The following NR4A1 variants were observed in gnomAD, a reference collection of about 807,000 sequenced individuals.
The protein encoded by NR4A1 is nuclear receptor subfamily 4 group A member 1.
In NR4A1, 24 loss-of-function variants were observed where a neutral mutation model predicts 47.5. The ratio of observed to expected loss-of-function variants is 0.50; its 90% CI spans 0.37 to 0.71. NR4A1 has a LOEUF of 0.71. Among genes scored for constraint, NR4A1 ranks in the 30% least tolerant of loss-of-function variants. The pLI is 0.00. For missense variants in NR4A1, 669 were observed against 788.6 expected (o/e 0.85, Z 1.82); for synonymous variants, 353 against 345.7 (o/e 1.02, Z -0.24).
intron 1 of NR4A1, among the ~76,000 whole-genome samples, chr12:52,053,222 G>T (rs1939073883): frequency 6.6e-6 from 1 of 152,140 alleles, no homozygotes; most frequent in Non-Finnish European, 1.5e-5. Context: ...TGAATGTAAG[G>T]ATCTGCCTGA....
chr12:52,044,110 A>G (rs1218971205), intron 2 of NR4A1, among the ~76,000 whole-genome samples: 2 of 152,194 alleles, frequency 1.3e-5, no homozygotes, highest in African/African-American at 4.8e-5. Context: ...ACTGAGAACT[A>G]GGAGAGGTGT....
intron 1 of NR4A1, among the ~76,000 whole-genome samples, chr12:52,041,329 G>A (rs564858393): frequency 4.6e-5 from 7 of 152,172 alleles, no homozygotes; most frequent in South Asian, 4.1e-4. Context: ...GAACCCAGAC[G>A]GTCTGGGATC....
upstream of NR4A1, among the ~76,000 whole-genome samples, chr12:52,047,931 G>A (rs920466231): frequency 2.6e-5 from 4 of 152,158 alleles, no homozygotes; most frequent in African/African-American, 9.7e-5. Context: ...AAGGCGGGTG[G>A]ATCACGAGGT....
intron 6 of NR4A1, 190 bp from the exon 7 acceptor site, chr12:52,058,498 G>A (rs1939387066): frequency 2.8e-6 from 2 of 718,992 alleles, no homozygotes; most frequent in South Asian, 2.0e-5. Context: ...GGAGTATGAG[G>A]ATAATGAGGG....
At chr12:52,031,942 G>A (rs544202186) in intron 1 of NR4A1, among the ~76,000 whole-genome samples, 2 of 152,092 alleles carry the variant, frequency 1.3e-5, no homozygotes, top group Admixed American at 1.3e-4. Context: ...GATTACAGGT[G>A]CCCGCCACCA....
At chr12:52,055,633 G>C (rs1306878570) in intron 2 of NR4A1, 1 of 410,310 alleles carries the variant, frequency 2.4e-6, no homozygotes, top group Non-Finnish European at 4.3e-6. Context: ...CTTGGGAACA[G>C]GCTGTGTGTT....
At chr12:52,037,934 G>A in intron 1 of NR4A1, 1 of 867,990 alleles carries the variant, frequency 1.2e-6, no homozygotes, top group Non-Finnish European at 1.4e-6. Context: ...TTTTTTTGCC[G>A]CAACATCTTC....
upstream of NR4A1, among the ~76,000 whole-genome samples, chr12:52,047,481 G>A (rs974418198): frequency 5.3e-5 from 8 of 152,240 alleles, no homozygotes; most frequent in Admixed American, 5.2e-4. Flanking sequence ...TTTCCACAGA[G>A]GGACTTTGCC....
chr12:52,037,336 C>T (rs1188598280), intron 1 of NR4A1: 1 of 984,648 alleles, frequency 1.0e-6, no homozygotes, highest in African/African-American at 1.8e-5. Flanking sequence ...GCCCGGGACC[C>T]CCGGCCTCCA....
At chr12:52,044,706 G>T (rs1938567564) in intron 2 of NR4A1, among the ~76,000 whole-genome samples, 1 of 152,210 alleles carries the variant, frequency 6.6e-6, no homozygotes, top group South Asian at 2.1e-4. Flanking sequence ...GCCCACGTAG[G>T]CTGGGTGGAG....
At chr12:52,038,987 G>C (rs1451480161) in intron 1 of NR4A1, among the ~76,000 whole-genome samples, 1 of 152,200 alleles carries the variant, frequency 6.6e-6, no homozygotes, top group Non-Finnish European at 1.5e-5. Context: ...GGTGGCAGGG[G>C]GAGCGAGAAT....
intron 2 of NR4A1, among the ~76,000 whole-genome samples, chr12:52,043,194 G>A (rs74093049): frequency 0.03 from 4,570 of 152,278 alleles, 237 homozygotes; most frequent in African/African-American, 0.1. Flanking sequence ...AGGAATTACT[G>A]TAAGGGGGAG....
upstream of NR4A1, among the ~76,000 whole-genome samples, chr12:52,050,037 G>T (rs1938844665): frequency 6.6e-6 from 1 of 152,172 alleles, no homozygotes; most frequent in African/African-American, 2.4e-5. Flanking sequence ...GACTTACATG[G>T]GAGAAGGGGA....
At chr12:52,053,043 C>A (rs989712714) in intron 1 of NR4A1, among the ~76,000 whole-genome samples, 22 of 152,124 alleles carry the variant, frequency 1.4e-4, no homozygotes, top group Non-Finnish European at 2.2e-4. Flanking sequence ...GTGGTGACAG[C>A]CTTTGCCCCC....
In NR4A1 at chr12:52,058,819, A is replaced by C. The variant is rs1565656055; in HGVS notation, c.1672A>C (p.Lys558Gln). ...PASCLSRLLG[K>Q]LPELRTLCTQ... ...CAGCTGCCTGTCACGTCTGTTGGGC[A>C]AACTGCCCGAGCTGCGGACCCTGTG... The change falls in exon 7 of 7, where the codon AAA (lysine) becomes CAA (glutamine). Residue 558 changes from lysine to glutamine, a missense_variant. Transcript: ENST00000394825. The C allele has an allele frequency of 6.2e-7, 1 of 1,613,764 alleles. No homozygotes were observed. Among genetic ancestry groups the C allele is most frequent in the Non-Finnish European group, 8.5e-7 (1 of 1,179,982 alleles).
At chr12:52,047,922 A>G (rs1191732862), upstream of NR4A1, among the ~76,000 whole-genome samples, 3 of 152,152 alleles carry the variant, frequency 2.0e-5, no homozygotes, top group African/African-American at 7.2e-5. Flanking sequence ...TGGGAGGCCA[A>G]GGCGGGTGGA....
chr12:52,051,338 G>C (rs1308926395), upstream of NR4A1: 1 of 952,148 alleles, frequency 1.1e-6, no homozygotes, highest in African/African-American at 1.8e-5. Flanking sequence ...CGCCCCCCGC[G>C]CCCTTGTATG....
chr12:52,030,374 C>T (rs1938094882), intron 1 of NR4A1, among the ~76,000 whole-genome samples: 1 of 152,206 alleles, frequency 6.6e-6, no homozygotes, highest in Non-Finnish European at 1.5e-5. Context: ...CCATGCTCTG[C>T]TACTTCTCAG....
rs1250706691 is a variant in NR4A1, at chr12:52,051,474, G to C, written c.-97G>C. On this transcript the variant is annotated 5_prime_UTR_variant, in exon 1 of 7. Transcript: ENST00000394825. Reference sequence around the variant, plus strand: ...GTGGCGGAGGCTACGAAACTTGGGGGAGTGCACAGAAGAACTTCGGGAGCG... The same window carrying C: ...GTGGCGGAGGCTACGAAACTTGGGGCAGTGCACAGAAGAACTTCGGGAGCG... 1.0e-6 allele frequency: 1 copy of C among 985,478 alleles called. No homozygotes were observed. The highest frequency in any genetic ancestry group is 1.7e-5 in the African/African-American group (1 of 57,252). The allele number at this position is 985,478 out of a possible 1,614,324, so 61.0% of individuals were successfully genotyped here.
Sources: allele counts gnomAD v4.1 joint callset (sites outside exome capture counted in the v4.1 genomes callset), GRCh38; gene constraint gnomAD v4.1.1; transcripts MANE v1.5; gene names NCBI Gene and HGNC (gene_info 2026-07-23, HGNC 2026-07-21).